Variants in XKR4 observed in about 807,000 individuals in gnomAD.
XKR4 encodes the protein XK-related protein 4.
A neutral mutation model predicts 53.9 loss-of-function variants in XKR4; 12 were observed. The observed-to-expected ratio is 0.22, with a 90% CI of 0.14 to 0.36. The LOEUF (loss-of-function observed/expected upper bound fraction) is 0.36. Among genes scored for constraint, XKR4 ranks in the 10% least tolerant of loss-of-function variants. The probability of loss-of-function intolerance (pLI) is 1.00; values close to 1 mark genes in which losing one functional copy is unlikely to be tolerated. For missense variants in XKR4, 799 were observed against 859.5 expected (o/e 0.93, Z 0.88); for synonymous variants, 354 against 362.4 (o/e 0.98, Z 0.26).
At chr8:55,230,405 C>T (rs1818019321) in intron 1 of XKR4, among the ~76,000 whole-genome samples, 2 of 148,302 alleles carry the variant, frequency 1.3e-5, no homozygotes, top group South Asian at 4.3e-4. Context: ...TCCCATCACC[C>T]AGCCTTGAGT....
At chr8:55,241,374 G>C (rs1435380408) in intron 1 of XKR4, among the ~76,000 whole-genome samples, 2 of 152,150 alleles carry the variant, frequency 1.3e-5, no homozygotes, top group African/African-American at 4.8e-5. Context: ...TTAAGTTGCA[G>C]GAGCATTTTA....
At chr8:55,462,017 C>A (rs190142322) in intron 2 of XKR4, among the ~76,000 whole-genome samples, 1 of 152,150 alleles carries the variant, frequency 6.6e-6, no homozygotes, top group Non-Finnish European at 1.5e-5. Flanking sequence ...CTGAAAGTGA[C>A]GGGGAGAATG....
intron 1 of XKR4, among the ~76,000 whole-genome samples, chr8:55,257,556 G>T (rs1818457058): frequency 6.6e-6 from 1 of 152,022 alleles, no homozygotes; most frequent in Non-Finnish European, 1.5e-5. Flanking sequence ...TCTGCAATCT[G>T]GAATGAAAAC....
At chr8:55,461,179 A>C (rs1310933445) in intron 2 of XKR4, among the ~76,000 whole-genome samples, 1 of 152,212 alleles carries the variant, frequency 6.6e-6, no homozygotes, top group Non-Finnish European at 1.5e-5. Flanking sequence ...CTGCCTCCTC[A>C]AGTGGGTCCC....
chr8:55,508,571 C>T (rs1806578968), intron 2 of XKR4, among the ~76,000 whole-genome samples: 1 of 152,266 alleles, frequency 6.6e-6, no homozygotes, highest in South Asian at 2.1e-4. Flanking sequence ...GGATAGGTTT[C>T]TCAAAGGAGA....
chr8:55,340,376 T>C (rs1803525161), intron 1 of XKR4, among the ~76,000 whole-genome samples: 1 of 152,236 alleles, frequency 6.6e-6, no homozygotes, highest in Non-Finnish European at 1.5e-5. Context: ...TTTCAATTAA[T>C]GAATTTACAT....
At chr8:55,308,951 G>A (rs1819350697) in intron 1 of XKR4, among the ~76,000 whole-genome samples, 1 of 152,206 alleles carries the variant, frequency 6.6e-6, no homozygotes, top group Non-Finnish European at 1.5e-5. Context: ...GAAGAGAGGA[G>A]GTTGGAATGT....
chr8:55,415,786 A>C (rs1804838204), intron 2 of XKR4, among the ~76,000 whole-genome samples: 1 of 152,226 alleles, frequency 6.6e-6, no homozygotes, highest in Admixed American at 6.5e-5. Context: ...TTGTCTTGCG[A>C]GTTAAAAACT....
At chr8:55,208,122 G>C (rs1484877533) in intron 1 of XKR4, among the ~76,000 whole-genome samples, 4 of 152,192 alleles carry the variant, frequency 2.6e-5, no homozygotes, top group African/African-American at 9.7e-5. Context: ...GACTACTACA[G>C]TCAAATAATT....
chr8:55,440,804 A>G (rs912685859), intron 2 of XKR4, among the ~76,000 whole-genome samples: 8 of 152,194 alleles, frequency 5.3e-5, no homozygotes, highest in African/African-American at 1.9e-4. Flanking sequence ...CTACATCTAC[A>G]ATAACAATAA....
At chr8:55,507,278 C>A (rs923792542) in intron 2 of XKR4, among the ~76,000 whole-genome samples, 1 of 152,148 alleles carries the variant, frequency 6.6e-6, no homozygotes, top group Admixed American at 6.5e-5. Flanking sequence ...TATCAAAGCA[C>A]CCCTATACAT....
intron 2 of XKR4, among the ~76,000 whole-genome samples, chr8:55,377,084 C>A (rs935490980): frequency 6.6e-6 from 1 of 152,158 alleles, no homozygotes; most frequent in Non-Finnish European, 1.5e-5. Flanking sequence ...GACAATGGCA[C>A]TTGTCCCCGC....
intron 2 of XKR4, among the ~76,000 whole-genome samples, chr8:55,489,377 T>C (rs1333206286): frequency 6.6e-6 from 1 of 152,178 alleles, no homozygotes; most frequent in Non-Finnish European, 1.5e-5. Flanking sequence ...TTTCAAAAAC[T>C]GTTTGTCAAT....
At chr8:55,337,347 T>G (rs1803476778) in intron 1 of XKR4, among the ~76,000 whole-genome samples, 1 of 152,202 alleles carries the variant, frequency 6.6e-6, no homozygotes. Context: ...TGCTCACCAG[T>G]TTTTATATTT....
At chr8:55,180,266 G>A (rs1292043802) in intron 1 of XKR4, among the ~76,000 whole-genome samples, 1 of 152,278 alleles carries the variant, frequency 6.6e-6, no homozygotes, top group African/African-American at 2.4e-5. Context: ...TGCATGGAGT[G>A]GTGTGTGAAT....
intron 1 of XKR4, among the ~76,000 whole-genome samples, chr8:55,222,952 T>C (rs983408168): frequency 1.8e-4 from 27 of 152,148 alleles, no homozygotes; most frequent in Admixed American, 1.5e-3. Flanking sequence ...CATCATGAGG[T>C]TGAGTTGGCT....
chr8:55,504,473 C>A (rs1248994051), intron 2 of XKR4, among the ~76,000 whole-genome samples: 1 of 152,056 alleles, frequency 6.6e-6, no homozygotes, highest in Non-Finnish European at 1.5e-5. Context: ...CCTCAGCCTC[C>A]CAAAGTGTTG....
chr8:55,260,829 A>G (rs1326187891), intron 1 of XKR4, among the ~76,000 whole-genome samples: 2 of 152,172 alleles, frequency 1.3e-5, no homozygotes, highest in Admixed American at 6.6e-5. Flanking sequence ...GTTGGCAAGG[A>G]AAAGGGAAGA....
At position 55,102,441 on chromosome 8, in the gene XKR4, G is replaced by A; in HGVS notation, c.-48G>A. The A allele has an allele frequency of 6.6e-7, 1 of 1,522,074 alleles. No individual in the cohort carries two copies. The highest frequency in any genetic ancestry group is 8.9e-7 in the Non-Finnish European group (1 of 1,128,986). 94.3% of individuals were successfully genotyped at this position (1,522,074 alleles called of 1,614,324 possible). On this transcript the variant is annotated 5_prime_UTR_variant, in exon 1 of 3. Coordinates refer to ENST00000327381, the MANE Select transcript of XKR4 (RefSeq NM_052898.2). The surrounding 1 kb of genome is among the most constrained non-coding windows in gnomAD (Gnocchi z 5.1). ...GAGGTGGCGGGAGGAGGAGACAGCGGGGAAAGGTGTCAGATAAAGGAGGGC... is the reference window on the plus strand; with the variant it reads ...GAGGTGGCGGGAGGAGGAGACAGCGAGGAAAGGTGTCAGATAAAGGAGGGC...
Sources: allele counts gnomAD v4.1 joint callset (sites outside exome capture counted in the v4.1 genomes callset), GRCh38; gene constraint gnomAD v4.1.1; non-coding constraint Gnocchi (gnomAD v3.1); transcripts MANE v1.5; gene names NCBI Gene and HGNC (gene_info 2026-07-23, HGNC 2026-07-21).